The following ALPK2 variants were observed in gnomAD, a reference collection of about 807,000 sequenced individuals.
ALPK2 encodes the protein alpha kinase 2.
A neutral mutation model predicts 163.1 loss-of-function variants in ALPK2; 127 were observed. The ratio of observed to expected loss-of-function variants is 0.78; its 90% CI spans 0.67 to 0.90. The LOEUF (loss-of-function observed/expected upper bound fraction) is 0.90, where lower values mean the gene tolerates loss of function less well. Among genes scored for constraint, ALPK2 ranks in the 40% least tolerant of loss-of-function variants. The pLI is 0.00. For synonymous variants in ALPK2, 953 were observed against 959.1 expected, an observed-to-expected ratio of 0.99 and a Z score of 0.12; for missense variants, 2,360 against 2,589.6, an observed-to-expected ratio of 0.91 and a Z score of 1.92.
chr18:58,585,590 A>T (rs1214904827), intron 3 of ALPK2, among the ~76,000 whole-genome samples: 1 of 151,804 alleles, frequency 6.6e-6, no homozygotes, highest in Non-Finnish European at 1.5e-5. Context: ...TTCTTATTTG[A>T]TATATACGAA....
At position 58,579,896 on chromosome 18, in the gene ALPK2, G is replaced by A. The variant is rs749651175; in HGVS notation, c.880C>T (p.Gln294Ter). ...TCACTGGAAAGCTGTGGGCTGGGTTGTTTGTTGGCCACGGCACTGTCACCT... is the reference window on the plus strand; with the variant it reads ...TCACTGGAAAGCTGTGGGCTGGGTTATTTGTTGGCCACGGCACTGTCACCT... Reference protein sequence around the residue: ...YPGDSAVANKQPSPQLSSEDS... With the variant: ...YPGDSAVANK The change falls in exon 4 of 13, where the codon CAA (glutamine) becomes TAA (stop). Residue 294 changes from glutamine (Q) to a stop codon, truncating the protein, a stop_gained. Transcript: ENST00000361673. LOFTEE classifies it high-confidence loss of function. 26 of 1,614,084 alleles carry A rather than the reference G, an allele frequency of 1.6e-5. No individual in the cohort carries two copies. Among genetic ancestry groups the A allele is most frequent in the Non-Finnish European group, 2.2e-5 (26 of 1,180,042 alleles).
intron 4 of ALPK2, among the ~76,000 whole-genome samples, chr18:58,543,960 T>C (rs1465297172): frequency 6.6e-6 from 1 of 152,218 alleles, no homozygotes; most frequent in African/African-American, 2.4e-5. Context: ...TCTAAGCTCC[T>C]GAAACACTTT....
rs145733450 is a variant in ALPK2 at position 58,521,918 on chromosome 18, C to T, written c.5665+1888G>A. Among the ~76,000 whole-genome samples the T allele has an allele frequency of 1.1e-3, 160 of 152,234 alleles. 1 individual carries two copies. The highest frequency in any genetic ancestry group is 3.8e-3 in the African/African-American group (157 of 41,548). On this transcript the variant is annotated intron_variant, in intron 8 of 12. Transcript: ENST00000361673. Reference sequence around the variant, plus strand: ...CTGGGATTACAGGCGTGAGCCACCGCGCCTGGCCTATTGCTAGACCATTTC... The same window carrying T: ...CTGGGATTACAGGCGTGAGCCACCGTGCCTGGCCTATTGCTAGACCATTTC...
chr18:58,557,279 C>T (rs1278889045), intron 4 of ALPK2: 3 of 152,130 alleles, frequency 2.0e-5, no homozygotes, highest in African/African-American at 7.2e-5. Context: ...CAGACCATGG[C>T]TAAGAACACT....
intron 2 of ALPK2, 100 bp from the exon 3 acceptor site, chr18:58,607,539 A>G (rs983995598): frequency 2.9e-6 from 2 of 695,992 alleles, no homozygotes; most frequent in South Asian, 2.0e-5. Flanking sequence ...AGTAAGCAAC[A>G]GGGATGAGGA....
chr18:58,575,352 G>C (rs901464867), intron 4 of ALPK2, among the ~76,000 whole-genome samples: 1 of 152,142 alleles, frequency 6.6e-6, no homozygotes, highest in Non-Finnish European at 1.5e-5. Context: ...TTATATCAGC[G>C]AACAGAATAC....
chr18:58,481,725 A>ACT lies in ALPK2; in HGVS notation c.*96_*97dup. On this transcript the variant is annotated 3_prime_UTR_variant, in exon 13 of 13. Coordinates refer to ENST00000361673, the MANE Select transcript of ALPK2 (RefSeq NM_052947.4). ...CGGCTGGGAGTAAGGATTGCCACGC[A>ACT]CTCTCTGCAGGCTGTATATTCTCTC... is the stretch of plus-strand genomic sequence containing the variant. 1.0e-6 allele frequency: 1 copy of ACT among 977,866 alleles called. No homozygotes were observed. Among genetic ancestry groups the ACT allele is most frequent in the Non-Finnish European group, 1.6e-6 (1 of 631,524 alleles). 60.6% of individuals were successfully genotyped at this position (977,866 alleles called of 1,614,324 possible).
chr18:58,541,246 A>C (rs956024952), intron 4 of ALPK2, among the ~76,000 whole-genome samples: 7 of 152,250 alleles, frequency 4.6e-5, no homozygotes, highest in Non-Finnish European at 1.0e-4. Context: ...GGCAAAGCTG[A>C]AGCCCACATC....
intron 3 of ALPK2, among the ~76,000 whole-genome samples, chr18:58,602,949 C>T (rs1410804159): frequency 6.6e-6 from 1 of 152,188 alleles, no homozygotes; most frequent in African/African-American, 2.4e-5. Context: ...TTTACCAATG[C>T]CATGGCAACA....
chr18:58,535,168 A>G lies in ALPK2; in HGVS notation c.5019T>C (p.Cys1673=). 1 of 1,613,972 alleles carries G rather than the reference A, an allele frequency of 6.2e-7. No homozygotes were observed. Among genetic ancestry groups the G allele is most frequent in the Admixed American group, 1.7e-5 (1 of 60,008 alleles). Residue 1673 remains cysteine, a synonymous_variant, in exon 5 of 13, where the codon TGT becomes TGC. Transcript: ENST00000361673. ...EKAPKLLQDP[C]QKGTLGCAKK... ...TCGCACAGCCCAGGGTGCCCTTTTG[A>G]CATGGATCCTGCAGTAATTTAGGGG...
chr18:58,486,430 C>T (rs745359383), intron 12 of ALPK2, among the ~76,000 whole-genome samples: 27 of 152,182 alleles, frequency 1.8e-4, no homozygotes, highest in Non-Finnish European at 4.0e-4. Flanking sequence ...GGGGTGTATG[C>T]GCCCCATCTT....
At chr18:58,504,397 G>A (rs1602189844) in intron 10 of ALPK2, among the ~76,000 whole-genome samples, 1 of 152,170 alleles carries the variant, frequency 6.6e-6, no homozygotes, top group South Asian at 2.1e-4. Flanking sequence ...CTTCATTGTA[G>A]TCATATCTTA....
intron 1 of ALPK2, among the ~76,000 whole-genome samples, chr18:58,621,665 G>A (rs549504725): frequency 6.6e-6 from 1 of 152,170 alleles, no homozygotes; most frequent in African/African-American, 2.4e-5. Context: ...AGAAATACAC[G>A]AGAAAGCAGT....
At chr18:58,568,267 C>T (rs79646526) in intron 4 of ALPK2, among the ~76,000 whole-genome samples, 3,304 of 152,270 alleles carry the variant, frequency 0.022, 64 homozygotes, top group East Asian at 0.089. Flanking sequence ...TACCCATTGC[C>T]TCTGTTTGAA....
chr18:58,624,271 G>A (rs1602244999), intron 1 of ALPK2, among the ~76,000 whole-genome samples: 1 of 152,190 alleles, frequency 6.6e-6, no homozygotes. Flanking sequence ...GAACCTCAGC[G>A]AAGGCCAATA....
In ALPK2 at chr18:58,565,496, A is replaced by G. The variant is rs192471498; in HGVS notation, c.1962+13318T>C. 2.4e-3 allele frequency among the ~76,000 whole-genome samples: 370 copies of G among 152,236 alleles called. 2 individuals carry two copies. The highest frequency in any genetic ancestry group is 4.3e-3 in the Non-Finnish European group (295 of 67,998). ...CTCATAAGGTTGAGCAACTTCTTGC[A>G]TATTTATTGACCATTTATCTCTTCC... On this transcript the variant is annotated intron_variant, in intron 4 of 12. Coordinates refer to ENST00000361673, the MANE Select transcript of ALPK2 (RefSeq NM_052947.4).
At chr18:58,540,361 C>T (rs948910224) in intron 4 of ALPK2, among the ~76,000 whole-genome samples, 8 of 152,200 alleles carry the variant, frequency 5.3e-5, no homozygotes, top group Non-Finnish European at 8.8e-5. Context: ...CTGGTGTTCC[C>T]GGAAAGAAAA....
intron 1 of ALPK2, among the ~76,000 whole-genome samples, chr18:58,627,703 T>C (rs1038280094): frequency 2.6e-5 from 4 of 152,178 alleles, no homozygotes; most frequent in African/African-American, 9.7e-5. Flanking sequence ...TTTAGTTTGT[T>C]TTAAGTCCTG....
intron 8 of ALPK2, among the ~76,000 whole-genome samples, chr18:58,521,620 T>TCG (rs1199802121): frequency 1.0e-5 from 1 of 96,738 alleles, no homozygotes; most frequent in Non-Finnish European, 2.0e-5. Flanking sequence ...TCTTTCTTTC[T>TCG]CTCTCTCTTT....
Sources: allele counts gnomAD v4.1 joint callset (sites outside exome capture counted in the v4.1 genomes callset), GRCh38; gene constraint gnomAD v4.1.1; transcripts MANE v1.5; gene names NCBI Gene and HGNC (gene_info 2026-07-23, HGNC 2026-07-21).